MID1: variants seen among roughly 807,000 people sequenced by gnomAD.
The protein encoded by MID1 is E3 ubiquitin-protein ligase Midline-1.
In MID1, 7 loss-of-function variants were observed where a neutral mutation model predicts 40.4. The ratio of observed to expected loss-of-function variants is 0.17; its 90% CI spans 0.10 to 0.33. The LOEUF is 0.33. Ranked by LOEUF, MID1 falls within the 10% of genes least tolerant of loss-of-function variation. The probability of loss-of-function intolerance (pLI) is 1.00; values close to 1 mark genes in which losing one functional copy is unlikely to be tolerated. For missense variants in MID1, 367 were observed against 558.5 expected (o/e 0.66, Z 3.46); for synonymous variants, 229 against 221.2 (o/e 1.04, Z -0.31).
intron 2 of MID1, among the ~76,000 whole-genome samples, chrX:10,555,640 T>C (rs1048661731): frequency 3.6e-5 from 4 of 110,702 alleles, no homozygotes; most frequent in African/African-American, 1.3e-4. Context: ...CTTTTTTTTT[T>C]AAAAGCAGGA....
At chrX:10,617,927 G>A (rs1935867063) in intron 1 of MID1, among the ~76,000 whole-genome samples, 1 of 112,597 alleles carries the variant, frequency 8.9e-6, no homozygotes, top group South Asian at 3.7e-4. Context: ...TAACTCAGCC[G>A]TGGCCTTAGG....
chrX:10,736,784 A>G (rs181749871), intron 1 of MID1, among the ~76,000 whole-genome samples: 2 of 112,357 alleles, frequency 1.8e-5, no homozygotes, highest in Non-Finnish European at 3.8e-5. Flanking sequence ...ATCTAACTTA[A>G]CCTAAACCAA....
chrX:10,702,248 A>G (rs1828516413), intron 1 of MID1, among the ~76,000 whole-genome samples: 2 of 112,234 alleles, frequency 1.8e-5, no homozygotes, highest in Admixed American at 1.9e-4. Context: ...TTTTAATTAC[A>G]GTGAGTAAAC....
chrX:10,683,722 A>G (rs2043074249), intron 1 of MID1, among the ~76,000 whole-genome samples: 1 of 99,944 alleles, frequency 1.0e-5, no homozygotes, highest in Admixed American at 1.1e-4. Context: ...AGTTCCAGCC[A>G]TTCTGGAAGG....
In MID1 at chrX:10,598,686, C is replaced by T. The variant is rs773477157; in HGVS notation, c.-57+21604G>A. Among the ~76,000 whole-genome samples the T allele has an allele frequency of 2.9e-4, 33 of 112,186 alleles. No individual in the cohort carries two copies. The Admixed American group carries it at 3.1e-3, about 11-fold the overall frequency. ...GATGTCCCTTAGAAAGAGTGGACCA[C>T]AGCTTATAGCTATCAAGGAGTTCAG... On this transcript the variant is annotated intron_variant, in intron 1 of 9. Transcript: ENST00000317552.
At chrX:10,697,176 G>T (rs898899393) in intron 1 of MID1, among the ~76,000 whole-genome samples, 1 of 111,145 alleles carries the variant, frequency 9.0e-6, no homozygotes, top group African/African-American at 3.3e-5. Context: ...ACAAAAATCT[G>T]CTACTCCCTC....
chrX:10,452,688 A>G (rs1317923484), intron 9 of MID1, among the ~76,000 whole-genome samples: 1 of 112,295 alleles, frequency 8.9e-6, no homozygotes, highest in Non-Finnish European at 1.9e-5. Context: ...GACTTTCTAC[A>G]TGAAGATTTT....
chrX:10,743,030 A>T, intron 1 of MID1, among the ~76,000 whole-genome samples: 1 of 112,793 alleles, frequency 8.9e-6, no homozygotes, highest in Non-Finnish European at 1.9e-5. Flanking sequence ...AAATTTTGTT[A>T]CTTGAAATTA....
chrX:10,746,818 C>T (rs938828293), intron 1 of MID1, among the ~76,000 whole-genome samples: 2 of 107,385 alleles, frequency 1.9e-5, no homozygotes, highest in South Asian at 3.9e-4. Flanking sequence ...ATATATATTA[C>T]GATTATAATA....
At chrX:10,792,612 T>C (rs1216463815) in intron 1 of MID1, among the ~76,000 whole-genome samples, 1 of 111,918 alleles carries the variant, frequency 8.9e-6, no homozygotes, top group Non-Finnish European at 1.9e-5. Context: ...CTTGAAAACA[T>C]GCTAAATGGA....
At chrX:10,718,212 G>C (rs60806701) in intron 1 of MID1, among the ~76,000 whole-genome samples, 10,596 of 111,493 alleles carry the variant, frequency 0.095, 793 homozygotes, top group African/African-American at 0.25. Context: ...AGAACAGAAA[G>C]AAATGGAGAC....
chrX:10,562,240 G>A (rs1481946731), intron 2 of MID1, among the ~76,000 whole-genome samples: 1 of 103,445 alleles, frequency 9.7e-6, no homozygotes, highest in Admixed American at 1.0e-4. Context: ...GCGAGCGGGG[G>A]AGAGCATTAG....
intron 2 of MID1, among the ~76,000 whole-genome samples, chrX:10,528,239 A>T (rs1932871461): frequency 9.0e-6 from 1 of 111,410 alleles, no homozygotes; most frequent in African/African-American, 3.3e-5. Context: ...AGAACCAAGA[A>T]AAGTTAATTT....
intron 1 of MID1, among the ~76,000 whole-genome samples, chrX:10,828,737 A>G (rs2044232542): frequency 8.9e-6 from 1 of 112,053 alleles, no homozygotes. Flanking sequence ...GCAAAATTAC[A>G]TAAGGGCCAC....
At chrX:10,465,214 T>TATATATATACACACAC (rs1477864693) in intron 7 of MID1, among the ~76,000 whole-genome samples, 6 of 39,900 alleles carry the variant, frequency 1.5e-4, no homozygotes, top group African/African-American at 2.8e-4. Context: ...TATATATATA[T>TATATATATACACACAC]ACACACACAC....
At chrX:10,744,675 A>ATAGGGGCAGAATAATGTAACCTACATG (rs2043546989) in intron 1 of MID1, among the ~76,000 whole-genome samples, 1 of 111,306 alleles carries the variant, frequency 9.0e-6, no homozygotes, top group Non-Finnish European at 1.9e-5. Context: ...ATTGTGTTTA[A>ATAGGGGCAGAATAATGTAACCTACATG]TAGGGGCAGA....
At chrX:10,654,580 G>A (rs950956223) in intron 1 of MID1, among the ~76,000 whole-genome samples, 3 of 111,707 alleles carry the variant, frequency 2.7e-5, no homozygotes, top group African/African-American at 6.5e-5. Flanking sequence ...TAATGCCGCC[G>A]CTGATCTGAC....
At chrX:10,526,130 G>A (rs1271397425) in intron 2 of MID1, among the ~76,000 whole-genome samples, 1 of 111,696 alleles carries the variant, frequency 9.0e-6, no homozygotes, top group African/African-American at 3.3e-5. Context: ...ATTCTGTCTT[G>A]GAATCACTCA....
chrX:10,730,747 ATTT>A (rs1215570565), intron 1 of MID1, among the ~76,000 whole-genome samples: 1 of 107,142 alleles, frequency 9.3e-6, no homozygotes, highest in African/African-American at 3.4e-5. Flanking sequence ...AATTTTTTGT[ATTT>A]TTTTTAGTAT....
Sources: allele counts gnomAD v4.1 joint callset (sites outside exome capture counted in the v4.1 genomes callset), GRCh38; gene constraint gnomAD v4.1.1; transcripts MANE v1.5; gene names NCBI Gene and HGNC (gene_info 2026-07-23, HGNC 2026-07-21).